RIMS2: variants seen among roughly 807,000 people sequenced by gnomAD.
The protein encoded by RIMS2 is regulating synaptic membrane exocytosis protein 2.
A neutral mutation model predicts 174.4 loss-of-function variants in RIMS2; 59 were observed. The observed-to-expected ratio is 0.34, with a 90% CI of 0.27 to 0.42. The LOEUF is 0.42. Among genes scored for constraint, RIMS2 ranks in the 10% least tolerant of loss-of-function variants. The pLI is 1.00. For missense variants in RIMS2, 1,620 were observed against 1,666.3 expected (o/e 0.97, Z 0.48); for synonymous variants, 606 against 572.5 (o/e 1.06, Z -0.84).
chr8:103,810,779 G>A (rs2098681841), intron 3 of RIMS2, among the ~76,000 whole-genome samples: 1 of 152,142 alleles, frequency 6.6e-6, no homozygotes, highest in South Asian at 2.1e-4. Context: ...TAGCCTTTGG[G>A]AGAAAAGATC....
Position 103,708,710 on chromosome 8 carries a change from T to G in RIMS2, c.387+11414T>G, listed in dbSNP as rs193032135. Among the ~76,000 whole-genome samples, 331 of 152,340 alleles carry G rather than the reference T, an allele frequency of 2.2e-3. 2 individuals are homozygous for G. The highest frequency in any genetic ancestry group is 3.5e-3 in the Non-Finnish European group (238 of 68,032). Reference sequence around the variant, plus strand: ...ATTCTCATCTTTGGTTTTCTGTGCATAATGTAGCATTTTTCACTTGCTGCT... The same window carrying G: ...ATTCTCATCTTTGGTTTTCTGTGCAGAATGTAGCATTTTTCACTTGCTGCT... On this transcript the variant is annotated intron_variant, in intron 2 of 23. Coordinates refer to ENST00000504942, the Ensembl canonical transcript of RIMS2.
intron 1 of RIMS2, among the ~76,000 whole-genome samples, chr8:103,662,267 T>C (rs543763062): frequency 6.6e-6 from 1 of 152,196 alleles, no homozygotes; most frequent in Non-Finnish European, 1.5e-5. Context: ...ATGGTGGTGA[T>C]CTCTTCTAAA....
At chr8:103,939,997 T>G (rs955908130) in intron 13 of RIMS2, among the ~76,000 whole-genome samples, 1 of 152,162 alleles carries the variant, frequency 6.6e-6, no homozygotes, top group African/African-American at 2.4e-5. Flanking sequence ...CTCTAGGAAG[T>G]TCCAAACTTT....
intron 1 of RIMS2, among the ~76,000 whole-genome samples, chr8:103,611,751 C>T (rs1188119046): frequency 1.2e-4 from 18 of 151,814 alleles, no homozygotes; most frequent in Non-Finnish European, 1.5e-4. Context: ...GCCTTGACAT[C>T]GTCTTCTTTG....
intron 4 of RIMS2, among the ~76,000 whole-genome samples, chr8:103,888,647 TA>T (rs1306390821): frequency 6.6e-6 from 1 of 151,612 alleles, no homozygotes; most frequent in African/African-American, 2.4e-5. Context: ...AAAGCTTTTT[TA>T]TATGTGATAT....
chr8:103,908,576 T>C (rs548551274), intron 4 of RIMS2, among the ~76,000 whole-genome samples: 2 of 152,296 alleles, frequency 1.3e-5, no homozygotes, highest in South Asian at 2.1e-4. Flanking sequence ...GTCGTCTCCA[T>C]CTCATAAATT....
chr8:103,687,083 T>G (rs888057286), intron 1 of RIMS2, among the ~76,000 whole-genome samples: 1 of 152,158 alleles, frequency 6.6e-6, no homozygotes, highest in Non-Finnish European at 1.5e-5. Context: ...GAACCAGAGT[T>G]TTAGATTTGA....
rs536620692 is a variant in RIMS2 at position 103,579,322 on chromosome 8, G to T, written c.176+78260G>T. Among the ~76,000 whole-genome samples, 5 of 151,796 alleles carry T rather than the reference G, an allele frequency of 3.3e-5. No individual in the cohort carries two copies. The South Asian group carries it at 8.4e-4, about 25-fold the overall frequency. On this transcript the variant is annotated intron_variant, in intron 1 of 23. Transcript: ENST00000504942. ...ACACACACACACGAAATGCCAAAGG[G>T]AGTTATTCAATCTGAAAGGAAAAAA...
chr8:104,148,698 C>G (rs964269619), intron 19 of RIMS2: 8 of 1,598,212 alleles, frequency 5.0e-6, no homozygotes, highest in Non-Finnish European at 5.9e-6. Flanking sequence ...CATGTGCTCA[C>G]TGGAGAAGAA....
intron 1 of RIMS2, among the ~76,000 whole-genome samples, chr8:103,674,889 C>G (rs1035124717): frequency 2.0e-5 from 3 of 151,886 alleles, no homozygotes; most frequent in Admixed American, 6.6e-5. Flanking sequence ...AGTATATAAC[C>G]TTGAATTTAT....
intron 23 of RIMS2, among the ~76,000 whole-genome samples, 158 bp downstream of exon 29, chr8:104,251,321 C>T (rs553567063): frequency 2.9e-4 from 44 of 152,248 alleles, no homozygotes; most frequent in African/African-American, 8.9e-4. Context: ...AAGCAATATA[C>T]GTTGTCATTT....
chr8:103,654,975 G>A (rs115760755), intron 1 of RIMS2, among the ~76,000 whole-genome samples: 1,978 of 151,732 alleles, frequency 0.013, 38 homozygotes, highest in African/African-American at 0.043. Context: ...TCCATTTTGC[G>A]GTTGTTGAAA....
At chr8:103,501,810 C>T (rs1409006412) in intron 1 of RIMS2, 1 of 152,282 alleles carries the variant, frequency 6.6e-6, no homozygotes, top group Non-Finnish European at 1.5e-5. Context: ...TGAAGTTCTA[C>T]TATTCTTGCT....
chr8:104,096,791 C>T (rs770614136), intron 19 of RIMS2, among the ~76,000 whole-genome samples: 43 of 151,638 alleles, frequency 2.8e-4, no homozygotes, highest in Non-Finnish European at 5.3e-4. Context: ...TCGCTTGAAC[C>T]CAGGAGGTGG....
At chr8:103,608,366 C>A (rs1015989812) in intron 1 of RIMS2, among the ~76,000 whole-genome samples, 1 of 143,388 alleles carries the variant, frequency 7.0e-6, no homozygotes, top group East Asian at 1.9e-4. Context: ...TCTCCAGCTG[C>A]GTACTGGGAG....
intron 19 of RIMS2, among the ~76,000 whole-genome samples, chr8:104,183,292 G>A (rs559179272): frequency 6.6e-6 from 1 of 151,724 alleles, no homozygotes; most frequent in East Asian, 1.9e-4. Flanking sequence ...TTCAACTATA[G>A]CAATTAAGTA....
rs374386633 is a variant in RIMS2 at position 103,743,423 on chromosome 8, A to C, written c.388-22804A>C. Among the ~76,000 whole-genome samples, 26 of 152,280 alleles carry C rather than the reference A, an allele frequency of 1.7e-4. No individual in the cohort carries two copies. In the East Asian group the frequency reaches 4.6e-3, roughly 27 times the overall value. Reference sequence around the variant, plus strand: ...TTGAGTTAACAGTGTCTGATTTGAAAATATTCTTTAAAAATTGATAACTCT... The same window carrying C: ...TTGAGTTAACAGTGTCTGATTTGAACATATTCTTTAAAAATTGATAACTCT... On this transcript the variant is annotated intron_variant, in intron 2 of 23. Coordinates refer to ENST00000504942, the Ensembl canonical transcript of RIMS2.
intron 19 of RIMS2, among the ~76,000 whole-genome samples, chr8:104,098,589 G>A (rs1368976091): frequency 6.6e-6 from 1 of 152,096 alleles, no homozygotes; most frequent in African/African-American, 2.4e-5. Flanking sequence ...AATTATCATT[G>A]CTCTTTTTTA....
At chr8:104,018,487 C>T (rs72683143) in intron 19 of RIMS2, among the ~76,000 whole-genome samples, 19,502 of 152,150 alleles carry the variant, frequency 0.13, 1,709 homozygotes, top group Non-Finnish European at 0.19. Context: ...ATTTAATTTA[C>T]CCAACTGGCT....
Sources: allele counts gnomAD v4.1 joint callset (sites outside exome capture counted in the v4.1 genomes callset), GRCh38; gene constraint gnomAD v4.1.1; transcripts MANE v1.5; gene names NCBI Gene and HGNC (gene_info 2026-07-23, HGNC 2026-07-21).